Variants in MTA3 observed in about 807,000 individuals in gnomAD.
MTA3 encodes metastasis-associated protein MTA3.
MTA3 carries 34 observed loss-of-function variants against 83.5 expected under a neutral mutation model. The ratio of observed to expected loss-of-function variants is 0.41; its 90% CI spans 0.31 to 0.54. MTA3 has a LOEUF of 0.54. Among genes scored for constraint, MTA3 ranks in the 20% least tolerant of loss-of-function variants. The pLI, the probability that MTA3 is intolerant of heterozygous loss-of-function variation, is 0.33. For synonymous variants in MTA3, 303 were observed against 252.7 expected, an observed-to-expected ratio of 1.20 and a Z score of -1.89; for missense variants, 761 against 726.4, an observed-to-expected ratio of 1.05 and a Z score of -0.55.
chr2:42,599,776 G>T (rs1190405202), intron 3 of MTA3, among the ~76,000 whole-genome samples: 1 of 151,968 alleles, frequency 6.6e-6, no homozygotes, highest in African/African-American at 2.4e-5. Context: ...GGTATAATAT[G>T]GTTGACTCAT....
At position 42,753,500 on chromosome 2, in the gene MTA3, C is replaced by T; in HGVS notation, c.*101C>T. 2 of 1,539,824 alleles carry T rather than the reference C, an allele frequency of 1.3e-6. No individual in the cohort carries two copies. The highest frequency in any genetic ancestry group is 1.8e-6 in the Non-Finnish European group (2 of 1,141,134). ...AGGCAGCCCCACTCCCAGTACATTT[C>T]AGTGGGAGACCTCTGCGTGCATCCA... On this transcript the variant is annotated 3_prime_UTR_variant, in exon 17 of 17. Coordinates refer to ENST00000405094, the MANE Select transcript of MTA3 (RefSeq NM_001330442.2).
intron 2 of MTA3, among the ~76,000 whole-genome samples, chr2:42,546,466 C>G (rs780736519): frequency 9.2e-5 from 14 of 151,648 alleles, no homozygotes; most frequent in Non-Finnish European, 1.9e-4. Context: ...GGTGGTCATC[C>G]CCTGCCATCT....
intron 15 of MTA3, among the ~76,000 whole-genome samples, chr2:42,721,449 T>A (rs1283262740): frequency 1.3e-5 from 2 of 151,466 alleles, no homozygotes; most frequent in Non-Finnish European, 2.9e-5. Flanking sequence ...CACTTAAGCC[T>A]CCTGAATGGC....
intron 3 of MTA3, among the ~76,000 whole-genome samples, chr2:42,586,541 ACACAC>A (rs1680331673): frequency 6.9e-6 from 1 of 145,150 alleles, no homozygotes; most frequent in Admixed American, 7.0e-5. Context: ...AAAAACACAC[ACACAC>A]AAGGAAGGAA....
At chr2:42,558,617 T>G (rs1440995927) in intron 2 of MTA3, among the ~76,000 whole-genome samples, 5 of 151,342 alleles carry the variant, frequency 3.3e-5, no homozygotes, top group Non-Finnish European at 7.4e-5. Context: ...TGCAGTGGCA[T>G]CATCTCAGGT....
intron 2 of MTA3, among the ~76,000 whole-genome samples, chr2:42,563,491 G>T (rs759622168): frequency 2.0e-5 from 3 of 151,868 alleles, no homozygotes; most frequent in South Asian, 2.1e-4. Context: ...TTTTTGAGAC[G>T]AAGTCTCACT....
chr2:42,702,557 A>G (rs527810788), intron 11 of MTA3: 2 of 152,370 alleles, frequency 1.3e-5, no homozygotes, highest in Admixed American at 1.3e-4. Flanking sequence ...ATCAGTAGAT[A>G]TGGGAAGACA....
At chr2:42,711,783 AGTGTGTGTGTGTGTGT>A (rs763894802) in intron 14 of MTA3, among the ~76,000 whole-genome samples, 1 of 147,630 alleles carries the variant, frequency 6.8e-6, no homozygotes, top group Non-Finnish European at 1.5e-5. Context: ...AGAGAGAGAG[AGTGTGTGTGTGTGTGT>A]GTGTGTGTGT....
At chr2:42,699,951 A>G (rs996404835) in intron 11 of MTA3, among the ~76,000 whole-genome samples, 1 of 152,198 alleles carries the variant, frequency 6.6e-6, no homozygotes, top group African/African-American at 2.4e-5. Flanking sequence ...TCCAGTATTT[A>G]TAGATCAGAT....
chr2:42,533,966 A>G (rs1874448), intron 2 of MTA3, among the ~76,000 whole-genome samples: 55,186 of 151,840 alleles, frequency 0.36, 10,157 homozygotes, highest in South Asian at 0.41. Context: ...TCTCGTTCAC[A>G]TTATTGGGCA....
rs752596071 is a variant in MTA3, at chr2:42,708,748, C to G, written c.1303-126C>G. 2.6e-4 allele frequency: 250 copies of G among 963,422 alleles called. 2 individuals are homozygous for G. The highest frequency in any genetic ancestry group is 7.8e-4 in the South Asian group (50 of 63,772). 59.7% of individuals were successfully genotyped at this position (963,422 alleles called of 1,614,324 possible). A position where few individuals can be genotyped will look rare whatever the true frequency, so the allele number is the denominator to read the frequency against. ...ATTCTCTCTTTTAGAGGTAGTGCAC[C>G]AAGTGACGTTATAGATGCTTCATGA... is the stretch of plus-strand genomic sequence containing the variant. On this transcript the variant is annotated intron_variant, in intron 13 of 16. Transcript: ENST00000405094.
intron 2 of MTA3, among the ~76,000 whole-genome samples, chr2:42,504,676 T>C (rs534087165): frequency 2.0e-5 from 3 of 152,070 alleles, no homozygotes; most frequent in South Asian, 2.1e-4. Context: ...TTTTTTTTTT[T>C]TGTAGAGATG....
chr2:42,565,914 G>T (rs1174396671), upstream of MTA3, among the ~76,000 whole-genome samples: 1 of 152,138 alleles, frequency 6.6e-6, no homozygotes, highest in African/African-American at 2.4e-5. Flanking sequence ...TGAGGCAGGA[G>T]AATTGCTTGA....
At position 42,729,100 on chromosome 2, in the gene MTA3, T is replaced by TTTTTG. The variant is rs1668054457; in HGVS notation, c.1759+6069_1759+6070insGTTTT. On this transcript the variant is annotated intron_variant, in intron 16 of 16. Coordinates refer to ENST00000405094, the MANE Select transcript of MTA3 (RefSeq NM_001330442.2). Reference sequence around the variant, plus strand: ...TCACAGTTTGAGTTTTTTTTTTTTTTTTTTTTTTTTTTTCACAGAGTCATG... The same window carrying TTTTTG: ...TCACAGTTTGAGTTTTTTTTTTTTTTTTTTGTTTTTTTTTTTTTCACAGAGTCATG... Among the ~76,000 whole-genome samples the TTTTTG allele has an allele frequency of 5.7e-5, 7 of 123,342 alleles. 1 individual carries two copies. The highest frequency in any genetic ancestry group is 2.9e-4 in the South Asian group (1 of 3,474). The allele number at this position is 123,342 out of a possible 152,430, so 80.9% of individuals were successfully genotyped here. A position where few individuals can be genotyped will look rare whatever the true frequency, so the allele number is the denominator to read the frequency against.
intron 11 of MTA3, among the ~76,000 whole-genome samples, chr2:42,700,964 G>A (rs1002320471): frequency 6.6e-6 from 1 of 152,108 alleles, no homozygotes; most frequent in African/African-American, 2.4e-5. Flanking sequence ...CAGACATGGA[G>A]GCAAATGCCT....
At chr2:42,534,162 G>C (rs139357602) in intron 2 of MTA3, among the ~76,000 whole-genome samples, 1 of 152,082 alleles carries the variant, frequency 6.6e-6, no homozygotes, top group African/African-American at 2.4e-5. Flanking sequence ...TAACATGTTC[G>C]GTAGGATTCT....
At chr2:42,607,659 T>C (rs1408035949) in intron 3 of MTA3, among the ~76,000 whole-genome samples, 1 of 152,188 alleles carries the variant, frequency 6.6e-6, no homozygotes, top group Non-Finnish European at 1.5e-5. Context: ...AACTTTAAAT[T>C]TATCTTTTGA....
rs188185697 is a variant in MTA3 at position 42,663,939 on chromosome 2, T to G, written c.702+4077T>G. 1.3e-4 allele frequency among the ~76,000 whole-genome samples: 20 copies of G among 152,324 alleles called. No homozygotes were observed. The East Asian group carries it at 3.5e-3, about 26-fold the overall frequency. On this transcript the variant is annotated intron_variant, in intron 8 of 16. Transcript: ENST00000405094. ...TCTTTCTAGTTATTTATTACCGTAA[T>G]TATTTTCTAAAGCAGAAGTAGGCTC... is the stretch of plus-strand genomic sequence containing the variant.
At chr2:42,745,405 C>T (rs1270731293) in intron 16 of MTA3, among the ~76,000 whole-genome samples, 1 of 152,150 alleles carries the variant, frequency 6.6e-6, no homozygotes, top group African/African-American at 2.4e-5. Context: ...GAACATTCAG[C>T]AGGAAAAAAT....
Sources: gnomAD v4.1 joint callset for allele counts (sites outside exome capture counted in the v4.1 genomes callset) on GRCh38, gnomAD v4.1.1 for gene constraint, MANE v1.5 for transcripts, NCBI Gene and HGNC (gene_info 2026-07-23, HGNC 2026-07-21) for gene names.